Variants in RASA3 observed in about 807,000 individuals in gnomAD.
RASA3 encodes the protein ras GTPase-activating protein 3.
Under a neutral mutation model 110.0 loss-of-function variants are expected in RASA3, and 73 were observed. The observed-to-expected ratio is 0.66, with a 90% CI of 0.55 to 0.81. The LOEUF (loss-of-function observed/expected upper bound fraction) is 0.81, where lower values mean the gene tolerates loss of function less well. Among genes scored for constraint, RASA3 ranks in the 30% least tolerant of loss-of-function variants. The pLI is 0.00. For missense variants in RASA3, 976 were observed against 1,113.2 expected (o/e 0.88, Z 1.75); for synonymous variants, 500 against 451.4 (o/e 1.11, Z -1.37).
At chr13:114,100,359 G>A (rs2080040559) in intron 1 of RASA3, among the ~76,000 whole-genome samples, 1 of 152,180 alleles carries the variant, frequency 6.6e-6, no homozygotes, top group Non-Finnish European at 1.5e-5. Flanking sequence ...CATTCTGAAA[G>A]GAGATTTTAG....
At position 114,057,550 on chromosome 13, in the gene RASA3, G is replaced by A; in HGVS notation, c.174-5395C>T. ...AGGGAATAAGAAGGGCGATTCCAGG[G>A]ACAGTGGAGGCCCCCACAGGAAGGA... On this transcript the variant is annotated intron_variant, in intron 2 of 23. Coordinates refer to ENST00000334062, the MANE Select transcript of RASA3 (RefSeq NM_007368.4). The surrounding 1 kb of genome is among the most constrained non-coding windows in gnomAD (Gnocchi z 5.0). 4 of 974,944 alleles carry A rather than the reference G, an allele frequency of 4.1e-6. No individual in the cohort carries two copies. The highest frequency in any genetic ancestry group is 4.7e-5 in the South Asian group (1 of 21,062). 60.4% of individuals were successfully genotyped at this position (974,944 alleles called of 1,614,324 possible).
At chr13:114,076,397 C>T (rs906717160) in intron 1 of RASA3, among the ~76,000 whole-genome samples, 5 of 152,186 alleles carry the variant, frequency 3.3e-5, no homozygotes, top group Admixed American at 6.5e-5. Context: ...TAGGCTGCTA[C>T]GAGGCACCTG....
At chr13:114,021,735 C>T (rs7982557) in intron 8 of RASA3, among the ~76,000 whole-genome samples, 106,611 of 152,046 alleles carry the variant, frequency 0.7, 38,117 homozygotes, top group African/African-American at 0.85. Context: ...CAGAGGAAGG[C>T]GGAAGGCCAT....
intron 21 of RASA3, among the ~76,000 whole-genome samples, chr13:113,994,089 G>A (rs977819812): frequency 4.6e-5 from 7 of 152,160 alleles, no homozygotes; most frequent in Non-Finnish European, 7.3e-5. Context: ...TAAAATTTCT[G>A]AAACGTCTGT....
Position 114,096,863 on chromosome 13 carries a change from C to T in RASA3, c.56-23026G>A, listed in dbSNP as rs915898199. The stretch of plus-strand genomic sequence containing the variant: ...CGCTGCTCCCTCGGACGTACTCGCC[C>T]TACACCCCAGCCAAACGCACTCCGT... On this transcript the variant is annotated intron_variant, in intron 1 of 23. Coordinates refer to ENST00000334062, the MANE Select transcript of RASA3 (RefSeq NM_007368.4). This position sits in a 1 kb window ranked among gnomAD's most constrained non-coding sequence, Gnocchi z 5.1. Among the ~76,000 whole-genome samples, 1 of 152,194 alleles carries T rather than the reference C, an allele frequency of 6.6e-6. No individual in the cohort carries two copies. The highest frequency in any genetic ancestry group is 2.4e-5 in the African/African-American group (1 of 41,430).
At chr13:114,097,191 G>C (rs2079957913) in intron 1 of RASA3, among the ~76,000 whole-genome samples, 1 of 152,234 alleles carries the variant, frequency 6.6e-6, no homozygotes, top group Non-Finnish European at 1.5e-5. Flanking sequence ...AGCTAACTGG[G>C]AACTGTCCAG....
chr13:114,041,183 G>T, intron 3 of RASA3, 89 bp from the exon 4 acceptor site: 1 of 1,115,712 alleles, frequency 9.0e-7, no homozygotes, highest in Non-Finnish European at 1.4e-6. Flanking sequence ...CATCACCGCA[G>T]CTTATTTCCA....
intron 1 of RASA3, among the ~76,000 whole-genome samples, chr13:114,093,373 G>C (rs944935406): frequency 1.9e-4 from 29 of 152,186 alleles, no homozygotes; most frequent in African/African-American, 6.5e-4. Flanking sequence ...TTAGCACTCT[G>C]AATATATCAT....
At chr13:114,023,390 G>T (rs1331583331) in intron 8 of RASA3, among the ~76,000 whole-genome samples, 4 of 152,196 alleles carry the variant, frequency 2.6e-5, no homozygotes, top group Non-Finnish European at 4.4e-5. Flanking sequence ...GGCTGGGGAG[G>T]GTCAGGAGGG....
chr13:114,104,537 GGCACACCCAGCGCAATTACAGGGCGA>G (rs1322749634), intron 1 of RASA3, among the ~76,000 whole-genome samples: 1 of 152,102 alleles, frequency 6.6e-6, no homozygotes, highest in Non-Finnish European at 1.5e-5. Context: ...TCCGGTGGCG[GGCACACCCAGCGCAATTACAGGGCGA>G]GCATCCGATG....
intron 23 of RASA3, 97 bp downstream of exon 23, chr13:113,981,578 G>A: frequency 7.2e-7 from 1 of 1,383,732 alleles, no homozygotes; most frequent in Non-Finnish European, 1.0e-6. Flanking sequence ...CCTGAGCACG[G>A]GCGGCCCCAC....
At chr13:113,999,490 G>T in intron 20 of RASA3, 95 bp downstream of exon 20, 2 of 964,188 alleles carry the variant, frequency 2.1e-6, no homozygotes, top group South Asian at 1.3e-5. Flanking sequence ...GCAGTGGGTG[G>T]GGAAGGGTGA....
chr13:113,999,980 T>G (rs867557714), intron 19 of RASA3, among the ~76,000 whole-genome samples: 6 of 24,612 alleles, frequency 2.4e-4, no homozygotes, highest in Admixed American at 6.3e-4. Context: ...GCTGGGGGGG[T>G]CTCTGTCAGG....
chr13:114,103,471 G>A lies in RASA3; in HGVS notation c.55+28964C>T, dbSNP rs561208270. ...GGGACGGGGGACACAGAACCAAGCC[G>A]CCGAGGAGCACCTGACACCGGAGCC... On this transcript the variant is annotated intron_variant, in intron 1 of 23. Transcript: ENST00000334062. 4.6e-3 allele frequency among the ~76,000 whole-genome samples: 694 copies of A among 151,932 alleles called. 13 individuals carry two copies. Among genetic ancestry groups the A allele is most frequent in the African/African-American group, 0.014 (563 of 41,454 alleles).
chr13:114,079,396 T>C (rs935475542), intron 1 of RASA3, among the ~76,000 whole-genome samples: 2 of 152,092 alleles, frequency 1.3e-5, no homozygotes, highest in East Asian at 3.9e-4. Flanking sequence ...TGCGGGAGAA[T>C]TGGAGGAAGT....
At chr13:114,125,861 C>T (rs554949074) in intron 1 of RASA3, among the ~76,000 whole-genome samples, 30 of 152,152 alleles carry the variant, frequency 2.0e-4, no homozygotes, top group Admixed American at 7.2e-4. Flanking sequence ...AGTTCCACAA[C>T]GGCTGTCCAA....
At chr13:113,984,625 C>T (rs1443472994) in intron 22 of RASA3, among the ~76,000 whole-genome samples, 1 of 61,352 alleles carries the variant, frequency 1.6e-5, no homozygotes, top group African/African-American at 5.1e-5. Context: ...ATCCACCTAT[C>T]ACTCACCCAT....
At chr13:114,023,227 A>G (rs570649588) in intron 8 of RASA3, among the ~76,000 whole-genome samples, 7 of 151,986 alleles carry the variant, frequency 4.6e-5, no homozygotes, top group Admixed American at 2.6e-4. Context: ...TCCCAGGCTC[A>G]GGGACATCCC....
intron 3 of RASA3, among the ~76,000 whole-genome samples, chr13:114,051,118 G>A (rs1018907819): frequency 2.8e-5 from 4 of 145,224 alleles, no homozygotes; most frequent in Admixed American, 6.7e-5. Context: ...CTGCACCCCC[G>A]GGCCCTCAGG....
Sources: gnomAD v4.1 joint callset for allele counts (sites outside exome capture counted in the v4.1 genomes callset) on GRCh38, gnomAD v4.1.1 for gene constraint, Gnocchi (gnomAD v3.1) non-coding constraint, MANE v1.5 for transcripts, NCBI Gene and HGNC (gene_info 2026-07-23, HGNC 2026-07-21) for gene names.